Variants in FAM219A observed in about 807,000 individuals in gnomAD.
The protein encoded by FAM219A is protein FAM219A.
Under a neutral mutation model 23.4 loss-of-function variants are expected in FAM219A, and 7 were observed. That is an observed-to-expected ratio of 0.30 (90% CI 0.17 to 0.56). The LOEUF is 0.56. FAM219A is among the 20% of genes least tolerant of loss of function. The pLI is 0.92. For missense variants in FAM219A, 166 were observed against 246.9 expected, an observed-to-expected ratio of 0.67 and a Z score of 2.20; for synonymous variants, 93 against 99.0, an observed-to-expected ratio of 0.94 and a Z score of 0.36.
At chr9:34,411,724 T>C (rs1821831595) in intron 1 of FAM219A, among the ~76,000 whole-genome samples, 1 of 150,636 alleles carries the variant, frequency 6.6e-6, no homozygotes, top group African/African-American at 2.4e-5. Context: ...AACAGTCCCA[T>C]CTTTAAGAAG....
Position 34,458,323 on chromosome 9 carries a change from G to T in FAM219A, c.-60C>A. On this transcript the variant is annotated 5_prime_UTR_variant, in exon 1 of 6. Transcript: ENST00000651358. This position sits in a 1 kb window ranked among gnomAD's most constrained non-coding sequence, Gnocchi z 6.6. ...CGGCCGCGGACGCCGACAGGACCGC[G>T]CGGGGCGGCGGCCCCAGGAGCCCGG... is the stretch of plus-strand genomic sequence containing the variant. 8.4e-7 allele frequency: 1 copy of T among 1,197,226 alleles called. No individual in the cohort carries two copies. 74.2% of individuals were successfully genotyped at this position (1,197,226 alleles called of 1,614,324 possible).
chr9:34,426,854 C>A (rs983894291), intron 1 of FAM219A, among the ~76,000 whole-genome samples: 1 of 152,142 alleles, frequency 6.6e-6, no homozygotes, highest in Admixed American at 6.5e-5. Context: ...TTGTGTGATC[C>A]CCAGGTTGGG....
In FAM219A at chr9:34,405,945, A is replaced by T; in HGVS notation, c.80T>A (p.Ile27Asn). 6.2e-7 allele frequency: 1 copy of T among 1,612,798 alleles called. No homozygotes were observed. Among genetic ancestry groups the T allele is most frequent in the Non-Finnish European group, 8.5e-7 (1 of 1,179,294 alleles). ...MQPLDPAAAS[I>N]SDGDCDAREG... ...CCGGGCGTCACAGTCTCCGTCAGAG[A>T]TGGAGGCGGCGGCTGGGTCCTGTGG... The change falls in exon 2 of 6, where the codon ATC becomes AAC. Residue 27 changes from isoleucine to asparagine, a missense_variant. Physicochemically the swap from Ile to Asn is moderately radical, Grantham distance 149. Transcript: ENST00000651358.
At chr9:34,449,696 G>A (rs1201755485) in intron 1 of FAM219A, among the ~76,000 whole-genome samples, 4 of 152,188 alleles carry the variant, frequency 2.6e-5, no homozygotes, top group African/African-American at 4.8e-5. Flanking sequence ...AAACACATTG[G>A]TTCTGTAAGA....
At chr9:34,455,845 C>T (rs1258743788) in intron 1 of FAM219A, among the ~76,000 whole-genome samples, 1 of 152,136 alleles carries the variant, frequency 6.6e-6, no homozygotes, top group Non-Finnish European at 1.5e-5. Context: ...CTATGACCCT[C>T]AAATGAGGGA....
intron 1 of FAM219A, among the ~76,000 whole-genome samples, chr9:34,453,003 G>GGT (rs761745253): frequency 1.3e-5 from 2 of 152,118 alleles, no homozygotes; most frequent in Non-Finnish European, 2.9e-5. Flanking sequence ...GTTCTTACTT[G>GGT]GTGTTTGTTT....
intron 1 of FAM219A, among the ~76,000 whole-genome samples, chr9:34,435,178 T>C (rs1822857345): frequency 1.3e-5 from 2 of 152,154 alleles, no homozygotes; most frequent in African/African-American, 4.8e-5. Context: ...GCTACAGGGC[T>C]CTGTAGAACT....
At chr9:34,406,803 C>CT (rs34985382) in intron 1 of FAM219A, among the ~76,000 whole-genome samples, 29,511 of 127,394 alleles carry the variant, frequency 0.23, 3,620 homozygotes, top group African/African-American at 0.33. Context: ...TGTCCAGAGT[C>CT]TTTTTTTTTT....
intron 1 of FAM219A, among the ~76,000 whole-genome samples, chr9:34,440,970 A>G (rs1823149495): frequency 1.3e-5 from 2 of 152,190 alleles, no homozygotes; most frequent in Admixed American, 6.5e-5. Context: ...TCCTGGGCTC[A>G]AGTGATCCTC....
At chr9:34,433,463 C>T (rs1426218687) in intron 1 of FAM219A, among the ~76,000 whole-genome samples, 4 of 152,216 alleles carry the variant, frequency 2.6e-5, no homozygotes, top group Admixed American at 6.5e-5. Context: ...CATCTCCCCA[C>T]CTTGTCTCCT....
chr9:34,413,929 A>G (rs56061386), intron 1 of FAM219A, among the ~76,000 whole-genome samples: 16,676 of 152,174 alleles, frequency 0.11, 992 homozygotes, highest in South Asian at 0.15. Context: ...CCTTATCACA[A>G]ATTTATCCAT....
At chr9:34,435,215 C>T (rs966148190) in intron 1 of FAM219A, among the ~76,000 whole-genome samples, 1 of 152,174 alleles carries the variant, frequency 6.6e-6, no homozygotes, top group African/African-American at 2.4e-5. Context: ...AGATGTGAGT[C>T]AAGTGTGGCA....
chr9:34,420,532 G>T (rs941567996), intron 1 of FAM219A, among the ~76,000 whole-genome samples: 44 of 152,280 alleles, frequency 2.9e-4, no homozygotes, highest in African/African-American at 1.0e-3. Context: ...ACCTCATTTT[G>T]GGGGGTCATT....
intron 1 of FAM219A, among the ~76,000 whole-genome samples, chr9:34,416,307 G>GAAGGAAGGAAGA (rs1822027442): frequency 8.6e-6 from 1 of 116,496 alleles, no homozygotes; most frequent in Admixed American, 8.7e-5. Flanking sequence ...AGGAAGGAAG[G>GAAGGAAGGAAGA]AACGAAGGAA....
In FAM219A at chr9:34,400,861, C is replaced by T. The variant is rs1395956193; in HGVS notation, c.*103G>A. 3.2e-6 allele frequency: 4 copies of T among 1,239,228 alleles called. No homozygotes were observed. The highest frequency in any genetic ancestry group is 1.6e-5 in the South Asian group (1 of 62,182). The allele number at this position is 1,239,228 out of a possible 1,614,324, so 76.8% of individuals were successfully genotyped here. Reference sequence around the variant, plus strand: ...TATACGAGGTTGGCGGCTGTAGGGGCGCGGGGCCGGGGGCAGGCAGACGAG... The same window carrying T: ...TATACGAGGTTGGCGGCTGTAGGGGTGCGGGGCCGGGGGCAGGCAGACGAG... On this transcript the variant is annotated 3_prime_UTR_variant, in exon 6 of 6. Coordinates refer to ENST00000651358, the MANE Select transcript of FAM219A (RefSeq NM_001184940.2).
chr9:34,424,707 G>A (rs1006602443), intron 1 of FAM219A, among the ~76,000 whole-genome samples: 1 of 152,218 alleles, frequency 6.6e-6, no homozygotes. Flanking sequence ...AGCCTGCGTT[G>A]CGATTTTCCC....
chr9:34,428,191 C>G (rs1357634809), intron 1 of FAM219A, among the ~76,000 whole-genome samples: 1 of 152,210 alleles, frequency 6.6e-6, no homozygotes, highest in African/African-American at 2.4e-5. Context: ...TTCTGACAAC[C>G]TGGTTCTTGT....
At chr9:34,452,180 T>C (rs1823583193) in intron 1 of FAM219A, among the ~76,000 whole-genome samples, 1 of 152,184 alleles carries the variant, frequency 6.6e-6, no homozygotes, top group African/African-American at 2.4e-5. Context: ...AGGGGAGAAG[T>C]ATTCACTGGC....
At chr9:34,425,380 T>C (rs950716111) in intron 1 of FAM219A, among the ~76,000 whole-genome samples, 1 of 152,032 alleles carries the variant, frequency 6.6e-6, no homozygotes, top group Non-Finnish European at 1.5e-5. Context: ...CTCGGGAGGC[T>C]GAGGCAGGAG....
Sources: gnomAD v4.1 joint callset for allele counts (sites outside exome capture counted in the v4.1 genomes callset) on GRCh38, gnomAD v4.1.1 for gene constraint, Gnocchi (gnomAD v3.1) non-coding constraint, MANE v1.5 for transcripts, NCBI Gene and HGNC (gene_info 2026-07-23, HGNC 2026-07-21) for gene names.